CFAP92: variants seen among roughly 807,000 people sequenced by gnomAD.
The protein encoded by CFAP92 is cilia and flagella associated protein 92 (putative).
A neutral mutation model predicts 106.3 loss-of-function variants in CFAP92; 86 were observed. That is an observed-to-expected ratio of 0.81 (90% CI 0.68 to 0.97). CFAP92 has a LOEUF of 0.97. Among genes scored for constraint, CFAP92 ranks in the 50% least tolerant of loss-of-function variants. The probability of loss-of-function intolerance (pLI) is 0.00; values close to 1 mark genes in which losing one functional copy is unlikely to be tolerated. For missense variants in CFAP92, 1,204 were observed against 1,283.8 expected (o/e 0.94, Z 0.95); for synonymous variants, 477 against 506.4 (o/e 0.94, Z 0.78).
chr3:128,944,947 T>C, intron 10 of CFAP92, 124 bp downstream of exon 10: 1 of 851,966 alleles, frequency 1.2e-6, no homozygotes, highest in Non-Finnish European at 1.8e-6. Context: ...TACCTCACAA[T>C]GAACCCCGAA....
intron 10 of CFAP92, among the ~76,000 whole-genome samples, chr3:128,942,925 T>TC (rs1939797587): frequency 7.1e-6 from 1 of 140,890 alleles, no homozygotes; most frequent in African/African-American, 2.7e-5. Context: ...CCTTTTTTTT[T>TC]TTTTTTTTTT....
rs1347045307 is a variant in CFAP92 at position 128,916,175 on chromosome 3, TG to T, written c.2847del (p.Tyr949Ter). Reference sequence around the variant, plus strand: ...GAATTCATGGTCTGGGTACTATAGTTGTAGACGGCCTTGTTGGCAGGGGCTG... The same window carrying T: ...GAATTCATGGTCTGGGTACTATAGTTTAGACGGCCTTGTTGGCAGGGGCTG... ...KISAPANKAV[Y>X]NYSTQTMNST... On this transcript the variant is annotated frameshift_variant, in exon 13 of 16. Transcript: ENST00000645291. LOFTEE classifies it high-confidence loss of function. The T allele has an allele frequency of 1.6e-6, 2 of 1,232,140 alleles. No homozygotes were observed. The highest frequency in any genetic ancestry group is 4.2e-5 in the Admixed American group (1 of 23,722). The allele number at this position is 1,232,140 out of a possible 1,614,324, so 76.3% of individuals were successfully genotyped here. A position where few individuals can be genotyped will look rare whatever the true frequency, so the allele number is the denominator to read the frequency against.
intron 8 of CFAP92, chr3:128,968,411 G>A (rs1231390562): frequency 1.3e-5 from 2 of 152,158 alleles, no homozygotes; most frequent in Non-Finnish European, 2.9e-5. Context: ...TAATTATGCT[G>A]GGCTTACAGT....
chr3:128,978,238 T>C (rs1943288353), intron 4 of CFAP92, 53 bp from the exon 5 acceptor site: 3 of 1,579,310 alleles, frequency 1.9e-6, no homozygotes, highest in Middle Eastern at 1.7e-4. Context: ...AAAATATTTA[T>C]TGAATTAACT....
the CFAP92 span, among the ~76,000 whole-genome samples, chr3:129,020,932 C>T: frequency 1.3e-5 from 2 of 152,198 alleles, no homozygotes; most frequent in African/African-American, 4.8e-5. Context: ...CCTCGTAGTC[C>T]CAGGGTGAGG....
chr3:129,022,048 G>A, the CFAP92 span, among the ~76,000 whole-genome samples: 1 of 152,228 alleles, frequency 6.6e-6, no homozygotes, highest in African/African-American at 2.4e-5. Flanking sequence ...TGCTCTCACA[G>A]CACCCAGAAC....
intron 1 of CFAP92, chr3:129,002,045 G>A (rs925276827): frequency 1.1e-5 from 17 of 1,543,294 alleles, no homozygotes; most frequent in African/African-American, 5.6e-5. Flanking sequence ...AGCCGCCGGA[G>A]CTCACCTTCC....
chr3:128,936,924 ATTCTT>A (rs1256106088), intron 10 of CFAP92, among the ~76,000 whole-genome samples: 3 of 152,232 alleles, frequency 2.0e-5, no homozygotes, highest in South Asian at 4.1e-4. Flanking sequence ...CAAATGTACG[ATTCTT>A]TTCTTCTTTG....
rs761554408 is a variant in CFAP92, at chr3:128,945,408, G to A, written c.1921C>T (p.Pro641Ser). The A allele has an allele frequency of 9.0e-5, 138 of 1,536,016 alleles. 1 individual carries two copies. In the South Asian group the frequency reaches 1.6e-3, roughly 17 times the overall value. Residue 641 changes from proline (P) to serine (S), a missense_variant, in exon 10 of 16, where the codon CCA (proline) becomes TCA (serine). Physicochemically the swap from Pro to Ser is moderately conservative, Grantham distance 74. Coordinates refer to ENST00000645291, the MANE Select transcript of CFAP92 (RefSeq NM_001394090.1). ...QLKLRVDIAVPLRAGARAADP... is the reference protein window; with the variant it reads ...QLKLRVDIAVSLRAGARAADP... ...GCAGCTCTGGCCCCGGCCCTCAGTG[G>A]CACCGCGATGTCCACTCGCAACTTG...
At chr3:128,952,497 A>C (rs1940910168) in intron 9 of CFAP92, among the ~76,000 whole-genome samples, 1 of 152,212 alleles carries the variant, frequency 6.6e-6, no homozygotes, top group African/African-American at 2.4e-5. Flanking sequence ...AATGGGAAAA[A>C]CCAATGAACA....
chr3:128,956,234 T>A (rs13324862), intron 9 of CFAP92, among the ~76,000 whole-genome samples: 3,675 of 99,646 alleles, frequency 0.037, 4 homozygotes, highest in Non-Finnish European at 0.044. Context: ...AAAAAGAAAA[T>A]AGAAAGAAAA....
the CFAP92 span, among the ~76,000 whole-genome samples, chr3:129,020,243 G>A: frequency 6.6e-6 from 1 of 152,134 alleles, no homozygotes; most frequent in Non-Finnish European, 1.5e-5. Flanking sequence ...ACAGAGTGTG[G>A]GAGTTAATAT....
chr3:128,994,137 G>T (rs900238472), upstream of CFAP92: 1 of 985,770 alleles, frequency 1.0e-6, no homozygotes, highest in Non-Finnish European at 1.2e-6. Context: ...TACGTTTGGC[G>T]GTTGCTAGGA....
chr3:129,022,795 CCCCATGGCT>C, the CFAP92 span, among the ~76,000 whole-genome samples: 39 of 152,200 alleles, frequency 2.6e-4, no homozygotes, highest in Non-Finnish European at 3.7e-4. Context: ...AGACCATTTC[CCCCATGGCT>C]CCCGAAAGAC....
rs374111059 is a variant in CFAP92, at chr3:128,939,638, CCT to C, written c.2259-4321_2259-4320del. On this transcript the variant is annotated intron_variant, in intron 10 of 15. Transcript: ENST00000645291. ...TCCCAACCCCCTGAATACCCCCACC[CCT>C]GATCCACCGCCCTAAGTATCTACCA... 6.6e-4 allele frequency among the ~76,000 whole-genome samples: 100 copies of C among 152,282 alleles called. 1 individual carries two copies. The highest frequency in any genetic ancestry group is 2.3e-3 in the African/African-American group (94 of 41,552).
chr3:129,004,033 G>T, upstream of CFAP92: 1 of 1,511,232 alleles, frequency 6.6e-7, no homozygotes, highest in Non-Finnish European at 8.8e-7. Context: ...TGCCCGGCTT[G>T]CAGCGCTGGG....
the CFAP92 span, among the ~76,000 whole-genome samples, chr3:129,009,108 C>A: frequency 6.6e-6 from 1 of 152,172 alleles, no homozygotes; most frequent in Admixed American, 6.5e-5. Context: ...CCCTGCCCAA[C>A]CAAGGTGTTT....
At position 128,945,817 on chromosome 3, in the gene CFAP92, G is replaced by T. The variant is rs191574528; in HGVS notation, c.1512C>A (p.Gly504=). 3.2e-4 allele frequency: 480 copies of T among 1,521,128 alleles called. 2 individuals carry two copies. In the Admixed American group the frequency reaches 5.5e-3, roughly 17 times the overall value. 94.2% of individuals were successfully genotyped at this position (1,521,128 alleles called of 1,614,324 possible). The part of the protein sequence containing the change: ...HPSDLREYLE[G]PPMVVEVHDR... Reference sequence around the variant, plus strand: ...CGTGAACTTCCACCACCATGGGGGGGCCCTCCAGGTATTCCCTTAGGTCAC... The same window carrying T: ...CGTGAACTTCCACCACCATGGGGGGTCCCTCCAGGTATTCCCTTAGGTCAC... The change falls in exon 10 of 16, where the codon GGC becomes GGA. Residue 504 remains glycine, a synonymous_variant. Coordinates refer to ENST00000645291, the MANE Select transcript of CFAP92 (RefSeq NM_001394090.1).
the CFAP92 span, among the ~76,000 whole-genome samples, chr3:129,025,734 A>G: frequency 6.8e-6 from 1 of 146,658 alleles, no homozygotes; most frequent in African/African-American, 2.5e-5. Context: ...TGGTCACTAG[A>G]CAACAGTAGC....
Sources: allele counts gnomAD v4.1 joint callset (sites outside exome capture counted in the v4.1 genomes callset), GRCh38; gene constraint gnomAD v4.1.1; transcripts MANE v1.5; gene names NCBI Gene and HGNC (gene_info 2026-07-23, HGNC 2026-07-21).